HTR4: variants seen among roughly 807,000 people sequenced by gnomAD.
HTR4 encodes 5-hydroxytryptamine receptor 4, also known as 5-hydroxytryptamine (serotonin) receptor 4, G protein-coupled.
HTR4 carries 16 observed loss-of-function variants against 36.8 expected under a neutral mutation model. That is an observed-to-expected ratio of 0.43 (90% CI 0.29 to 0.66). The LOEUF (loss-of-function observed/expected upper bound fraction) is 0.66. HTR4 is among the 30% of genes least tolerant of loss of function. HTR4 has a pLI of 0.13. For missense variants in HTR4, 438 were observed against 490.9 expected (o/e 0.89, Z 1.02); for synonymous variants, 189 against 185.1 (o/e 1.02, Z -0.17).
intron 2 of HTR4, among the ~76,000 whole-genome samples, chr5:148,619,400 T>C (rs529190199): frequency 6.6e-6 from 1 of 152,302 alleles, no homozygotes; most frequent in East Asian, 1.9e-4. Context: ...TAGATAAATA[T>C]ATTTTTTTCT....
At chr5:148,495,311 C>T (rs956043077) in intron 6 of HTR4, among the ~76,000 whole-genome samples, 9 of 152,108 alleles carry the variant, frequency 5.9e-5, no homozygotes, top group Non-Finnish European at 4.4e-5. Context: ...GGATTATCTA[C>T]CAAAGAAGTC....
At chr5:148,490,490 A>C in intron 6 of HTR4, 1 of 742,280 alleles carries the variant, frequency 1.3e-6, no homozygotes, top group Non-Finnish European at 1.7e-6. Context: ...TGGCTGAAAT[A>C]GAGTTTGCTG....
At chr5:148,516,177 G>GA (rs1167300292) in intron 5 of HTR4, among the ~76,000 whole-genome samples, 1 of 151,408 alleles carries the variant, frequency 6.6e-6, no homozygotes, top group Non-Finnish European at 1.5e-5. Flanking sequence ...TTATCATTAT[G>GA]AAAAAATGAT....
chr5:148,548,905 A>G, intron 3 of HTR4, 37 bp from the exon 4 acceptor site: 7 of 1,433,782 alleles, frequency 4.9e-6, no homozygotes, highest in Admixed American at 1.7e-5. Flanking sequence ...AGGCAGGGGG[A>G]GGGATGAAGG....
At chr5:148,587,893 C>A (rs1761407483) in intron 2 of HTR4, among the ~76,000 whole-genome samples, 1 of 152,190 alleles carries the variant, frequency 6.6e-6, no homozygotes. Context: ...CATCTTTCAG[C>A]AGATATCACA....
At position 148,579,002 on chromosome 5, in the gene HTR4, T is replaced by C. The variant is rs1340884743; in HGVS notation, c.27-28740A>G. On this transcript the variant is annotated intron_variant, in intron 2 of 6. Coordinates refer to ENST00000377888, the MANE Select transcript of HTR4 (RefSeq NM_000870.7). ...TCCTTCAGAAACTCTATAGAACCTG[T>C]AGCAATGCCCAGTCTTTTGATTTCT... 2.6e-5 allele frequency among the ~76,000 whole-genome samples: 4 copies of C among 152,056 alleles called. No homozygotes were observed. In the East Asian group the frequency reaches 7.7e-4, roughly 29 times the overall value.
intron 2 of HTR4, among the ~76,000 whole-genome samples, chr5:148,606,448 T>G (rs993666727): frequency 4.6e-5 from 7 of 151,720 alleles, no homozygotes; most frequent in African/African-American, 1.7e-4. Context: ...CACATTGGTT[T>G]CAAAAAAAAA....
At chr5:148,589,542 G>A (rs969750820) in intron 2 of HTR4, among the ~76,000 whole-genome samples, 2 of 152,014 alleles carry the variant, frequency 1.3e-5, no homozygotes, top group African/African-American at 4.8e-5. Context: ...TTCTGGTTGG[G>A]TTGTTTGGTG....
At chr5:148,647,596 C>G (rs1753910519) in intron 1 of HTR4, among the ~76,000 whole-genome samples, 1 of 152,158 alleles carries the variant, frequency 6.6e-6, no homozygotes, top group South Asian at 2.1e-4. Context: ...CGCCTGTAAT[C>G]CCAGCACTTT....
chr5:148,454,115 A>G (rs929121522), intron 5 of HTR4, among the ~76,000 whole-genome samples: 2 of 152,172 alleles, frequency 1.3e-5, no homozygotes, highest in East Asian at 1.9e-4. Context: ...ACTTGAGTCA[A>G]GCAAACCTAG....
chr5:148,616,370 G>A (rs1752689614), intron 2 of HTR4, among the ~76,000 whole-genome samples: 1 of 152,086 alleles, frequency 6.6e-6, no homozygotes, highest in Admixed American at 6.5e-5. Context: ...TCTAGTTCAG[G>A]GCTGCACCTA....
At chr5:148,617,948 T>G (rs999995751) in intron 2 of HTR4, among the ~76,000 whole-genome samples, 2 of 152,152 alleles carry the variant, frequency 1.3e-5, no homozygotes, top group Admixed American at 6.5e-5. Flanking sequence ...CTCAAGTAAG[T>G]CAGCAAGGCT....
intron 2 of HTR4, among the ~76,000 whole-genome samples, chr5:148,635,712 C>A (rs1273860539): frequency 6.6e-6 from 1 of 152,082 alleles, no homozygotes; most frequent in Non-Finnish European, 1.5e-5. Context: ...TCACTCTGGC[C>A]TTTTAATTAA....
downstream of HTR4, among the ~76,000 whole-genome samples, chr5:148,474,827 C>G (rs1182533845): frequency 6.6e-6 from 1 of 152,022 alleles, no homozygotes; most frequent in African/African-American, 2.4e-5. Flanking sequence ...GGGTGGATTA[C>G]CTAAGGTCAG....
chr5:148,633,978 G>A (rs1210538449), intron 2 of HTR4, among the ~76,000 whole-genome samples: 1 of 152,106 alleles, frequency 6.6e-6, no homozygotes, highest in African/African-American at 2.4e-5. Flanking sequence ...TTTAGTCAAG[G>A]ATGCTGACAG....
At chr5:148,529,136 G>C (rs1202985049) in intron 4 of HTR4, among the ~76,000 whole-genome samples, 1 of 151,960 alleles carries the variant, frequency 6.6e-6, no homozygotes, top group Non-Finnish European at 1.5e-5. Flanking sequence ...ACTCACTCAA[G>C]AGCCAGGACA....
At chr5:148,500,387 G>T (rs1047072833) in intron 6 of HTR4, among the ~76,000 whole-genome samples, 2 of 152,006 alleles carry the variant, frequency 1.3e-5, no homozygotes, top group Non-Finnish European at 2.9e-5. Context: ...GAGGGGAAGA[G>T]CCTCTAAAAG....
intron 2 of HTR4, among the ~76,000 whole-genome samples, chr5:148,556,951 T>C (rs1178501943): frequency 1.3e-5 from 2 of 152,130 alleles, no homozygotes; most frequent in African/African-American, 2.4e-5. Flanking sequence ...GATAAGTGCA[T>C]TGCATTCAAA....
At chr5:148,640,609 C>G (rs1753702350) in intron 1 of HTR4, among the ~76,000 whole-genome samples, 1 of 152,168 alleles carries the variant, frequency 6.6e-6, no homozygotes, top group Non-Finnish European at 1.5e-5. Flanking sequence ...TAAGATCCAG[C>G]AGTGTCTTAA....
Sources: gnomAD v4.1 joint callset for allele counts (sites outside exome capture counted in the v4.1 genomes callset) on GRCh38, gnomAD v4.1.1 for gene constraint, MANE v1.5 for transcripts, NCBI Gene and HGNC (gene_info 2026-07-23, HGNC 2026-07-21) for gene names.